GAB2: variants seen among roughly 807,000 people sequenced by gnomAD.
GAB2 encodes GRB2-associated-binding protein 2.
A neutral mutation model predicts 65.5 loss-of-function variants in GAB2; 26 were observed. The observed-to-expected ratio is 0.40, with a 90% CI of 0.29 to 0.55. GAB2 has a LOEUF of 0.55. Among genes scored for constraint, GAB2 ranks in the 20% least tolerant of loss-of-function variants. The probability of loss-of-function intolerance (pLI) is 0.53; values close to 1 mark genes in which losing one functional copy is unlikely to be tolerated. For synonymous variants in GAB2, 321 were observed against 329.6 expected, an observed-to-expected ratio of 0.97 and a Z score of 0.28; for missense variants, 884 against 875.8, an observed-to-expected ratio of 1.01 and a Z score of -0.12.
In GAB2 at chr11:78,315,106, G is replaced by C. The variant is rs190753958; in HGVS notation, c.76-34205C>G. ...AGCAAACTGAAGGAGCTAATTGAGAGAGTAAGAGAAGGAAGGAGAGTAAAA... is the reference window on the plus strand; with the variant it reads ...AGCAAACTGAAGGAGCTAATTGAGACAGTAAGAGAAGGAAGGAGAGTAAAA... On this transcript the variant is annotated intron_variant, in intron 1 of 9. Coordinates refer to ENST00000361507, the MANE Select transcript of GAB2 (RefSeq NM_080491.3). 5.1e-4 allele frequency among the ~76,000 whole-genome samples: 78 copies of C among 152,332 alleles called. 1 individual carries two copies. Among genetic ancestry groups the C allele is most frequent in the Admixed American group, 4.6e-3 (71 of 15,304 alleles).
rs73502983 is a variant in GAB2 at position 78,412,399 on chromosome 11, A to G, written c.75+5247T>C. ...AATCTCCAGAGAATTATGCTGAATA[A>G]AAAAAAGTTCAAAATCTTAAGTACT... On this transcript the variant is annotated intron_variant, in intron 1 of 9. Coordinates refer to ENST00000361507, the MANE Select transcript of GAB2 (RefSeq NM_080491.3). Among the ~76,000 whole-genome samples, 790 of 152,252 alleles carry G rather than the reference A, an allele frequency of 5.2e-3. 6 individuals carry two copies. Among genetic ancestry groups the G allele is most frequent in the African/African-American group, 0.018 (762 of 41,538 alleles).
chr11:78,313,381 A>G (rs767891925), intron 1 of GAB2, among the ~76,000 whole-genome samples: 4 of 152,328 alleles, frequency 2.6e-5, no homozygotes, highest in African/African-American at 4.8e-5. Flanking sequence ...TCAGGGTTCA[A>G]TGAATGGTTC....
intron 2 of GAB2, among the ~76,000 whole-genome samples, chr11:78,263,640 A>G (rs1467226895): frequency 6.6e-6 from 1 of 150,936 alleles, no homozygotes; most frequent in African/African-American, 2.5e-5. Flanking sequence ...CTGGGGGAAA[A>G]AAAAAAAAAA....
intron 3 of GAB2, among the ~76,000 whole-genome samples, chr11:78,243,454 C>T (rs765805959): frequency 4.0e-5 from 6 of 151,690 alleles, no homozygotes; most frequent in South Asian, 2.1e-4. Flanking sequence ...GGTGACACAG[C>T]GAGACTCCGT....
At chr11:78,366,752 TC>T (rs1856503689) in intron 1 of GAB2, among the ~76,000 whole-genome samples, 1 of 148,154 alleles carries the variant, frequency 6.7e-6, no homozygotes, top group South Asian at 2.1e-4. Context: ...TACATTCTAT[TC>T]CCCATCCAGA....
intron 1 of GAB2, among the ~76,000 whole-genome samples, chr11:78,333,086 C>T (rs1855942528): frequency 6.6e-6 from 1 of 152,104 alleles, no homozygotes; most frequent in African/African-American, 2.4e-5. Context: ...CTGCCTGGGA[C>T]ATGTGGTACC....
chr11:78,369,460 T>C (rs2134726289), intron 1 of GAB2, among the ~76,000 whole-genome samples: 1 of 152,376 alleles, frequency 6.6e-6, no homozygotes, highest in Admixed American at 6.5e-5. Flanking sequence ...GTTACCAAAA[T>C]CTGGGATGTG....
intron 1 of GAB2, among the ~76,000 whole-genome samples, chr11:78,387,689 T>C (rs1856785586): frequency 6.6e-6 from 1 of 152,238 alleles, no homozygotes; most frequent in Non-Finnish European, 1.5e-5. Context: ...TAAGGAGCTT[T>C]ACTCACAATC....
chr11:78,311,409 T>A (rs542982345), intron 1 of GAB2, among the ~76,000 whole-genome samples: 1 of 152,218 alleles, frequency 6.6e-6, no homozygotes, highest in Non-Finnish European at 1.5e-5. Flanking sequence ...TTGTTTTTTT[T>A]TCTTTCCCTA....
intron 1 of GAB2, among the ~76,000 whole-genome samples, chr11:78,406,604 C>T (rs1018588109): frequency 6.6e-6 from 1 of 152,120 alleles, no homozygotes; most frequent in South Asian, 2.1e-4. Flanking sequence ...TCTTGAGCTC[C>T]TGACCTCAGG....
At chr11:78,349,012 G>C (rs1049085856) in intron 1 of GAB2, among the ~76,000 whole-genome samples, 19 of 152,314 alleles carry the variant, frequency 1.2e-4, no homozygotes, top group African/African-American at 4.6e-4. Flanking sequence ...GTGCTTGCCT[G>C]GGGCTAAGGG....
chr11:78,220,978 G>A (rs886313548), intron 8 of GAB2, among the ~76,000 whole-genome samples: 4 of 152,140 alleles, frequency 2.6e-5, no homozygotes, highest in Non-Finnish European at 4.4e-5. Flanking sequence ...TTGCTCCCCC[G>A]CCTAGCTCCT....
chr11:78,279,691 C>A (rs565872942), intron 2 of GAB2, among the ~76,000 whole-genome samples: 1 of 152,226 alleles, frequency 6.6e-6, no homozygotes, highest in South Asian at 2.1e-4. Flanking sequence ...TTCATACAAA[C>A]GGAATCATAA....
chr11:78,345,376 C>A (rs1157863763), intron 1 of GAB2, among the ~76,000 whole-genome samples: 1 of 152,142 alleles, frequency 6.6e-6, no homozygotes, highest in Non-Finnish European at 1.5e-5. Flanking sequence ...GTTATATAAT[C>A]ACCTGGCTTT....
At chr11:78,417,523 C>A (rs1857214699) in intron 1 of GAB2, 123 bp downstream of exon 1, 2 of 358,124 alleles carry the variant, frequency 5.6e-6, no homozygotes, top group Middle Eastern at 1.2e-3. Context: ...CGCTCCTCGC[C>A]CCCGGCCCCC....
chr11:78,396,575 T>A (rs548554497), intron 1 of GAB2, among the ~76,000 whole-genome samples: 1 of 152,220 alleles, frequency 6.6e-6, no homozygotes, highest in Non-Finnish European at 1.5e-5. Flanking sequence ...ACCTATGTTG[T>A]AGATGACTAT....
intron 1 of GAB2, among the ~76,000 whole-genome samples, chr11:78,324,998 G>A (rs1855797061): frequency 6.6e-6 from 1 of 152,132 alleles, no homozygotes; most frequent in Admixed American, 6.5e-5. Flanking sequence ...AATCAGTCAT[G>A]GTGTGAATAT....
At chr11:78,407,254 G>A (rs1239529207) in intron 1 of GAB2, among the ~76,000 whole-genome samples, 1 of 152,034 alleles carries the variant, frequency 6.6e-6, no homozygotes, top group African/African-American at 2.4e-5. Flanking sequence ...TTCCAAACAG[G>A]ATAAACTCAA....
At chr11:78,339,386 C>G (rs992562711) in intron 1 of GAB2, among the ~76,000 whole-genome samples, 2 of 152,148 alleles carry the variant, frequency 1.3e-5, no homozygotes, top group Non-Finnish European at 2.9e-5. Context: ...CAAGTCAGTC[C>G]TGCCCTTGTT....
Sources: gnomAD v4.1 joint callset for allele counts (sites outside exome capture counted in the v4.1 genomes callset) on GRCh38, gnomAD v4.1.1 for gene constraint, MANE v1.5 for transcripts, NCBI Gene and HGNC (gene_info 2026-07-23, HGNC 2026-07-21) for gene names.